The following TAOK3 variants were observed in gnomAD, a reference collection of about 807,000 sequenced individuals.
The protein encoded by TAOK3 is TAO kinase 3.
TAOK3 carries 40 observed loss-of-function variants against 120.4 expected under a neutral mutation model. That is an observed-to-expected ratio of 0.33 (90% confidence interval 0.26 to 0.43). TAOK3 has a LOEUF of 0.43. Among genes scored for constraint, TAOK3 ranks in the 20% least tolerant of loss-of-function variants. The probability of loss-of-function intolerance (pLI) is 1.00; values close to 1 mark genes in which losing one functional copy is unlikely to be tolerated. For synonymous variants in TAOK3, 355 were observed against 387.5 expected (o/e 0.92, Z 0.99); for missense variants, 821 against 1,112.1 (o/e 0.74, Z 3.72).
intron 14 of TAOK3, among the ~76,000 whole-genome samples, chr12:118,187,759 T>C (rs916545074): frequency 4.6e-5 from 7 of 152,274 alleles, no homozygotes; most frequent in Non-Finnish European, 1.0e-4. Flanking sequence ...GCTACTCTGT[T>C]TGTAACTTAA....
At chr12:118,204,652 A>G (rs1052700425) in intron 11 of TAOK3, among the ~76,000 whole-genome samples, 3 of 152,266 alleles carry the variant, frequency 2.0e-5, no homozygotes, top group Non-Finnish European at 2.9e-5. Flanking sequence ...GCTTACAATT[A>G]TAAAGAGCTA....
At chr12:118,326,002 T>C (rs777065363) in intron 1 of TAOK3, among the ~76,000 whole-genome samples, 19 of 152,188 alleles carry the variant, frequency 1.2e-4, no homozygotes, top group Non-Finnish European at 2.5e-4. Context: ...TTGTTGATTG[T>C]TTCTTTTGCT....
At chr12:118,342,361 A>T (rs1158252851) in intron 1 of TAOK3, among the ~76,000 whole-genome samples, 1 of 152,210 alleles carries the variant, frequency 6.6e-6, no homozygotes, top group African/African-American at 2.4e-5. Context: ...CTTGACTTTG[A>T]TCCTTTCATA....
intron 11 of TAOK3, among the ~76,000 whole-genome samples, chr12:118,207,890 A>ACACACACACACACACACG (rs2038417378): frequency 6.6e-6 from 1 of 151,042 alleles, no homozygotes; most frequent in Non-Finnish European, 1.5e-5. Flanking sequence ...ACACACACAC[A>ACACACACACACACACACG]TGCACAAATT....
Position 118,260,841 on chromosome 12 carries a change from C to T in TAOK3, c.-88-5186G>A, listed in dbSNP as rs7311947. On this transcript the variant is annotated intron_variant, in intron 2 of 20. Coordinates refer to ENST00000392533, the MANE Select transcript of TAOK3 (RefSeq NM_016281.4). ...AATTACAGGCATGCGCCACCACATCCAGCTAATTTTTGTATTTTTAGTAGA... is the reference window on the plus strand; with the variant it reads ...AATTACAGGCATGCGCCACCACATCTAGCTAATTTTTGTATTTTTAGTAGA... Among the ~76,000 whole-genome samples the T allele has an allele frequency of 7.1e-3, 1,078 of 152,196 alleles. 7 individuals carry two copies. Among genetic ancestry groups the T allele is most frequent in the Middle Eastern group, 0.017 (5 of 294 alleles).
At chr12:118,170,195 C>A (rs1340839260) in intron 17 of TAOK3, among the ~76,000 whole-genome samples, 1 of 151,926 alleles carries the variant, frequency 6.6e-6, no homozygotes. Context: ...ATCATTGCCC[C>A]TATAAGGAGG....
intron 1 of TAOK3, among the ~76,000 whole-genome samples, chr12:118,302,420 C>T (rs925230426): frequency 1.3e-5 from 2 of 152,168 alleles, no homozygotes; most frequent in Admixed American, 1.3e-4. Context: ...TTGCTTCTGC[C>T]TCTGACTTGT....
intron 11 of TAOK3, among the ~76,000 whole-genome samples, chr12:118,203,251 C>T (rs961056019): frequency 5.3e-5 from 8 of 151,928 alleles, no homozygotes; most frequent in African/African-American, 1.9e-4. Flanking sequence ...AACTTCATTT[C>T]CCCAATTAAA....
intron 1 of TAOK3, among the ~76,000 whole-genome samples, chr12:118,275,854 G>C (rs1332166311): frequency 6.6e-6 from 1 of 152,186 alleles, no homozygotes; most frequent in Non-Finnish European, 1.5e-5. Flanking sequence ...TAACAGTTGA[G>C]TAGAGACCTG....
chr12:118,353,534 A>T (rs2045265363), intron 1 of TAOK3, among the ~76,000 whole-genome samples: 1 of 152,062 alleles, frequency 6.6e-6, no homozygotes, highest in African/African-American at 2.4e-5. Flanking sequence ...AAAACAGGGA[A>T]CCACTGAAGC....
At position 118,216,923 on chromosome 12, in the gene TAOK3, C is replaced by T. The variant is rs576871230; in HGVS notation, c.644-2813G>A. ...CAGCCTGGGCGTCAGAGTGAGACTC[C>T]ATCTCAAAAAAAAAAAAAAAAAAAG... On this transcript the variant is annotated intron_variant, in intron 9 of 20. Coordinates refer to ENST00000392533, the MANE Select transcript of TAOK3 (RefSeq NM_016281.4). 7.2e-5 allele frequency among the ~76,000 whole-genome samples: 8 copies of T among 110,354 alleles called. No individual in the cohort carries two copies. The East Asian group carries it at 2.1e-3, about 28-fold the overall frequency. 72.4% of individuals were successfully genotyped at this position (110,354 alleles called of 152,430 possible).
At position 118,371,703 on chromosome 12, in the gene TAOK3, C is replaced by G. The variant is rs2045899575; in HGVS notation, c.-194+945G>C. On this transcript the variant is annotated intron_variant, in intron 1 of 20. Transcript: ENST00000392533. This position sits in a 1 kb window ranked among gnomAD's most constrained non-coding sequence, Gnocchi z 5.5. ...GCCGTTCTTGGGGGGGCTCCCGCAA[C>G]TCAGCGGGCGCGACCCCCCGCCCGC... Among the ~76,000 whole-genome samples the G allele has an allele frequency of 6.6e-6, 1 of 152,092 alleles. No individual in the cohort carries two copies. The highest frequency in any genetic ancestry group is 1.5e-5 in the Non-Finnish European group (1 of 67,972).
In TAOK3 at chr12:118,212,249, G is replaced by T. The variant is rs368067872; in HGVS notation, c.819+665C>A. 8.9e-4 allele frequency among the ~76,000 whole-genome samples: 135 copies of T among 152,234 alleles called. 1 individual carries two copies. In the South Asian group the frequency reaches 0.027, roughly 30 times the overall value. On this transcript the variant is annotated intron_variant, in intron 11 of 20. Transcript: ENST00000392533. ...TTGAAAAACAAACATGCAAAAGAAGGATTAAAGAAATTTGGACTATTGTGC... is the reference window on the plus strand; with the variant it reads ...TTGAAAAACAAACATGCAAAAGAAGTATTAAAGAAATTTGGACTATTGTGC...
chr12:118,151,842 G>A (rs1470861208), intron 20 of TAOK3, among the ~76,000 whole-genome samples: 1 of 151,860 alleles, frequency 6.6e-6, no homozygotes, highest in Non-Finnish European at 1.5e-5. Flanking sequence ...GATTTCTCTC[G>A]GTTTAAAAAT....
At chr12:118,223,841 T>C (rs2039373540) in intron 9 of TAOK3, among the ~76,000 whole-genome samples, 1 of 152,114 alleles carries the variant, frequency 6.6e-6, no homozygotes, top group East Asian at 1.9e-4. Flanking sequence ...GGTTTTGCCA[T>C]GTTGGCCAGG....
rs2045915293 is a variant in TAOK3, at chr12:118,372,100, C to G, written c.-194+548G>C. On this transcript the variant is annotated intron_variant, in intron 1 of 20. Transcript: ENST00000392533. The surrounding 1 kb of genome is among the most constrained non-coding windows in gnomAD (Gnocchi z 4.6). ...TGGGGATCCCCTGTCTTCACATCCCCTGACCGGTCCCCTCTCTTTACTCTG... is the reference window on the plus strand; with the variant it reads ...TGGGGATCCCCTGTCTTCACATCCCGTGACCGGTCCCCTCTCTTTACTCTG... Among the ~76,000 whole-genome samples, 1 of 152,026 alleles carries G rather than the reference C, an allele frequency of 6.6e-6. No homozygotes were observed. Among genetic ancestry groups the G allele is most frequent in the African/African-American group, 2.4e-5 (1 of 41,414 alleles).
intron 19 of TAOK3, among the ~76,000 whole-genome samples, chr12:118,157,655 G>A (rs574135806): frequency 3.2e-4 from 48 of 152,262 alleles, no homozygotes; most frequent in African/African-American, 1.0e-3. Context: ...GACATTACAC[G>A]GAGTAGACTT....
intron 10 of TAOK3, 72 bp downstream of exon 10, chr12:118,213,945 A>G (rs893240283): frequency 1.5e-6 from 2 of 1,309,870 alleles, no homozygotes; most frequent in African/African-American, 2.9e-5. Context: ...GATATTTAAA[A>G]TGTAATGTAA....
At chr12:118,337,250 T>C (rs1338735721) in intron 1 of TAOK3, among the ~76,000 whole-genome samples, 1 of 152,148 alleles carries the variant, frequency 6.6e-6, no homozygotes, top group African/African-American at 2.4e-5. Context: ...TAAAAAATAA[T>C]GACAACACCA....
Sources: allele counts gnomAD v4.1 joint callset (sites outside exome capture counted in the v4.1 genomes callset), GRCh38; gene constraint gnomAD v4.1.1; non-coding constraint Gnocchi (gnomAD v3.1); transcripts MANE v1.5; gene names NCBI Gene and HGNC (gene_info 2026-07-23, HGNC 2026-07-21).